Variants in PRKAR2A observed in about 807,000 individuals in gnomAD.
PRKAR2A encodes the protein cAMP-dependent protein kinase type II-alpha regulatory subunit.
PRKAR2A carries 29 observed loss-of-function variants against 51.9 expected under a neutral mutation model. The observed-to-expected ratio is 0.56, with a 90% confidence interval of 0.42 to 0.76. PRKAR2A has a LOEUF of 0.76. Ranked by LOEUF, PRKAR2A falls within the 30% of genes least tolerant of loss-of-function variation. The probability of loss-of-function intolerance (pLI) is 0.00; values close to 1 mark genes in which losing one functional copy is unlikely to be tolerated. For synonymous variants in PRKAR2A, 178 were observed against 186.2 expected (o/e 0.96, Z 0.36); for missense variants, 445 against 512.1 (o/e 0.87, Z 1.26).
chr3:48,837,893 T>C (rs968962026), intron 1 of PRKAR2A, among the ~76,000 whole-genome samples: 1 of 151,288 alleles, frequency 6.6e-6, no homozygotes, highest in Non-Finnish European at 1.5e-5. Flanking sequence ...AAAGACCACA[T>C]ATTGGCTGGG....
In PRKAR2A at chr3:48,795,812, G is replaced by A. The variant is rs144603316; in HGVS notation, c.299-1763C>T. On this transcript the variant is annotated intron_variant, in intron 2 of 10. Transcript: ENST00000265563. ...GGCCTCCCAAAGTGCTGGGATTACA[G>A]GCATGTGCCACCGCGCCTGACCTGT... Among the ~76,000 whole-genome samples the A allele has an allele frequency of 2.7e-3, 413 of 152,310 alleles. 2 individuals carry two copies. Among genetic ancestry groups the A allele is most frequent in the Non-Finnish European group, 4.5e-3 (309 of 68,036 alleles).
At chr3:48,776,300 C>CT (rs1414597981) in intron 5 of PRKAR2A, among the ~76,000 whole-genome samples, 1 of 152,084 alleles carries the variant, frequency 6.6e-6, no homozygotes, top group East Asian at 1.9e-4. Context: ...TAAAAAGACC[C>CT]TTTGATATAG....
chr3:48,791,647 A>C (rs1415193223), intron 3 of PRKAR2A, among the ~76,000 whole-genome samples: 1 of 146,170 alleles, frequency 6.8e-6, no homozygotes, highest in African/African-American at 2.5e-5. Flanking sequence ...CTGTAATCCC[A>C]GGTAATCCCA....
intron 1 of PRKAR2A, among the ~76,000 whole-genome samples, chr3:48,840,969 C>T (rs1465411272): frequency 6.7e-6 from 1 of 148,880 alleles, no homozygotes; most frequent in South Asian, 2.1e-4. Context: ...GAAACCTCCA[C>T]CTCCTGGGTT....
At chr3:48,770,902 A>T (rs1293114740) in intron 6 of PRKAR2A, among the ~76,000 whole-genome samples, 2 of 152,174 alleles carry the variant, frequency 1.3e-5, no homozygotes, top group Admixed American at 6.6e-5. Flanking sequence ...TTCAATTTTC[A>T]TTGAGACTTG....
intron 6 of PRKAR2A, among the ~76,000 whole-genome samples, chr3:48,772,648 C>CT (rs997300364): frequency 1.7e-4 from 24 of 145,030 alleles, no homozygotes; most frequent in East Asian, 4.1e-4. Flanking sequence ...CAATAAAGTG[C>CT]TTTTTTTTTT....
rs150001117 is a variant in PRKAR2A, at chr3:48,790,389, G to A, written c.435+155C>T. On this transcript the variant is annotated intron_variant, in intron 4 of 10. Coordinates refer to ENST00000265563, the MANE Select transcript of PRKAR2A (RefSeq NM_004157.4). ...TGAAAGATCATGCCTGGGTTAAAGT[G>A]GTCAATACAATGAAAACATCTGTAT... Among the ~76,000 whole-genome samples the A allele has an allele frequency of 3.1e-4, 47 of 152,244 alleles. 2 individuals carry two copies. In the East Asian group the frequency reaches 8.7e-3, roughly 28 times the overall value.
intron 8 of PRKAR2A, among the ~76,000 whole-genome samples, chr3:48,763,894 A>T (rs2107226883): frequency 1.3e-5 from 2 of 152,334 alleles, no homozygotes; most frequent in Middle Eastern, 6.8e-3. Flanking sequence ...GCTCCTAGAA[A>T]ACAAATACAT....
intron 1 of PRKAR2A, among the ~76,000 whole-genome samples, chr3:48,835,132 T>A (rs556065349): frequency 6.6e-6 from 1 of 152,190 alleles, no homozygotes; most frequent in South Asian, 2.1e-4. Flanking sequence ...CCACCACGCC[T>A]GCAAATTTTT....
At chr3:48,810,532 G>T (rs1022560161) in intron 1 of PRKAR2A, among the ~76,000 whole-genome samples, 1 of 151,994 alleles carries the variant, frequency 6.6e-6, no homozygotes, top group Admixed American at 6.6e-5. Context: ...TTGGAACTTT[G>T]TGGAATTTTT....
chr3:48,786,371 C>T (rs1369403762), intron 4 of PRKAR2A, among the ~76,000 whole-genome samples: 4 of 150,344 alleles, frequency 2.7e-5, no homozygotes, highest in Admixed American at 1.3e-4. Flanking sequence ...GTGATCTGCC[C>T]GCCTCGGCCT....
intron 2 of PRKAR2A, among the ~76,000 whole-genome samples, chr3:48,806,478 GT>G (rs529431479): frequency 6.7e-6 from 1 of 148,804 alleles, no homozygotes; most frequent in Non-Finnish European, 1.5e-5. Context: ...AACAATCATT[GT>G]TTTTTTTTTA....
At chr3:48,773,399 A>AGGGGC (rs2082059438) in intron 5 of PRKAR2A, among the ~76,000 whole-genome samples, 1 of 130,800 alleles carries the variant, frequency 7.6e-6, no homozygotes, top group South Asian at 2.3e-4. Context: ...GCTGGAGTGC[A>AGGGGC]GGGGCGGTAT....
intron 8 of PRKAR2A, among the ~76,000 whole-genome samples, chr3:48,757,429 T>G: frequency 6.6e-6 from 1 of 152,218 alleles, no homozygotes. Flanking sequence ...TTCCCACCCA[T>G]GAAGTAACTA....
intron 8 of PRKAR2A, among the ~76,000 whole-genome samples, chr3:48,763,007 A>G (rs909647201): frequency 6.6e-6 from 1 of 152,184 alleles, no homozygotes; most frequent in Non-Finnish European, 1.5e-5. Context: ...CTGCAAATAC[A>G]AAACAAGGAA....
intron 2 of PRKAR2A, among the ~76,000 whole-genome samples, chr3:48,805,430 C>T (rs1575906861): frequency 6.6e-6 from 1 of 152,098 alleles, no homozygotes; most frequent in Non-Finnish European, 1.5e-5. Context: ...GAGAATTTGG[C>T]GGATTTAGCT....
At chr3:48,812,243 A>G (rs1475686095) in intron 1 of PRKAR2A, among the ~76,000 whole-genome samples, 2 of 152,168 alleles carry the variant, frequency 1.3e-5, no homozygotes, top group East Asian at 1.9e-4. Context: ...GGAAAAAACT[A>G]GGACATTTTT....
chr3:48,787,750 G>C (rs2107303117), intron 4 of PRKAR2A, among the ~76,000 whole-genome samples: 1 of 152,258 alleles, frequency 6.6e-6, no homozygotes, highest in African/African-American at 2.4e-5. Context: ...CAAGCTCTGA[G>C]TAAAGCTCTG....
At chr3:48,761,225 T>C (rs961589475) in intron 8 of PRKAR2A, among the ~76,000 whole-genome samples, 1 of 151,350 alleles carries the variant, frequency 6.6e-6, no homozygotes, top group African/African-American at 2.4e-5. Context: ...GAGCTTGCAG[T>C]GAGCCGAGAT....
Sources: allele counts gnomAD v4.1 joint callset (sites outside exome capture counted in the v4.1 genomes callset), GRCh38; gene constraint gnomAD v4.1.1; transcripts MANE v1.5; gene names NCBI Gene and HGNC (gene_info 2026-07-23, HGNC 2026-07-21).